Variants in GCSAML observed in about 807,000 individuals in gnomAD.
GCSAML encodes the protein germinal center associated signaling and motility like.
A neutral mutation model predicts 13.0 loss-of-function variants in GCSAML; 9 were observed. That is an observed-to-expected ratio of 0.69 (90% CI 0.42 to 1.21). The LOEUF (loss-of-function observed/expected upper bound fraction) is 1.21, where lower values mean the gene tolerates loss of function less well. Among genes scored for constraint, GCSAML ranks in the 50% most tolerant of loss-of-function variants. The pLI, the probability that GCSAML is intolerant of heterozygous loss-of-function variation, is 0.00. For missense variants in GCSAML, 143 were observed against 153.4 expected, an observed-to-expected ratio of 0.93 and a Z score of 0.36; for synonymous variants, 37 against 52.9, an observed-to-expected ratio of 0.70 and a Z score of 1.31.
intron 4 of GCSAML, among the ~76,000 whole-genome samples, chr1:247,573,372 T>C (rs1016646124): frequency 6.6e-6 from 1 of 152,120 alleles, no homozygotes; most frequent in Admixed American, 6.5e-5. Context: ...GTGGGAAAAG[T>C]GTAGTGTCTG....
At chr1:247,519,918 G>C (rs918593011) in intron 1 of GCSAML, among the ~76,000 whole-genome samples, 5 of 152,164 alleles carry the variant, frequency 3.3e-5, no homozygotes, top group Non-Finnish European at 7.3e-5. Context: ...AGTTTGCCAG[G>C]ATAAATGATG....
intron 2 of GCSAML, among the ~76,000 whole-genome samples, chr1:247,562,347 C>T (rs904091062): frequency 2.6e-5 from 4 of 152,106 alleles, no homozygotes; most frequent in African/African-American, 9.7e-5. Context: ...GCCTGAGGTC[C>T]GTGTGCCAGA....
chr1:247,577,442 T>A lies in GCSAML; in HGVS notation c.*3060T>A, dbSNP rs922450526. The A allele has an allele frequency of 1.3e-5, 2 of 152,208 alleles. No individual in the cohort carries two copies. The highest frequency in any genetic ancestry group is 4.8e-5 in the African/African-American group (2 of 41,454). 9.4% of individuals were successfully genotyped at this position (152,208 alleles called of 1,614,324 possible). A position where few individuals can be genotyped will look rare whatever the true frequency, so the allele number is the denominator to read the frequency against. ...CGTATAATTATAACTGTTCTAGATATTTGTAGCAATGTACCCTTTCCATAT... is the reference window on the plus strand; with the variant it reads ...CGTATAATTATAACTGTTCTAGATAATTGTAGCAATGTACCCTTTCCATAT... On this transcript the variant is annotated 3_prime_UTR_variant, in exon 5 of 5. Transcript: ENST00000366488.
At chr1:247,512,870 T>A (rs888318034) in intron 1 of GCSAML, among the ~76,000 whole-genome samples, 3 of 152,148 alleles carry the variant, frequency 2.0e-5, no homozygotes, top group Admixed American at 2.0e-4. Context: ...TGCTGCCTGT[T>A]CGTTCCTCTG....
chr1:247,563,972 G>A (rs115255517), intron 3 of GCSAML, among the ~76,000 whole-genome samples: 6 of 151,494 alleles, frequency 4.0e-5, no homozygotes, highest in African/African-American at 9.7e-5. Flanking sequence ...CCACCCTATC[G>A]CCCAGGCTGG....
At chr1:247,521,605 C>T (rs1666431088) in intron 1 of GCSAML, among the ~76,000 whole-genome samples, 1 of 152,324 alleles carries the variant, frequency 6.6e-6, no homozygotes, top group South Asian at 2.1e-4. Context: ...TGGACTCCAG[C>T]TCCTAACCGC....
chr1:247,545,248 T>C (rs1180839262), upstream of GCSAML, among the ~76,000 whole-genome samples: 1 of 152,252 alleles, frequency 6.6e-6, no homozygotes, highest in African/African-American at 2.4e-5. Context: ...ACGTGCTTGG[T>C]CTGGCCCCAT....
chr1:247,547,082 A>G (rs1438549858), upstream of GCSAML, among the ~76,000 whole-genome samples: 1 of 152,072 alleles, frequency 6.6e-6, no homozygotes, highest in Non-Finnish European at 1.5e-5. Context: ...CAGCCTGGGC[A>G]ACAGAACAAG....
At chr1:247,515,242 G>T (rs1423297636) in intron 1 of GCSAML, among the ~76,000 whole-genome samples, 1 of 152,184 alleles carries the variant, frequency 6.6e-6, no homozygotes, top group Non-Finnish European at 1.5e-5. Context: ...GTTAAGTAAT[G>T]ACAGCATGGA....
intron 2 of GCSAML, among the ~76,000 whole-genome samples, chr1:247,563,049 C>T (rs1452930872): frequency 8.6e-5 from 13 of 150,728 alleles, no homozygotes; most frequent in South Asian, 8.4e-4. Context: ...GGGGTCTCAC[C>T]GTGTTGGCCA....
chr1:247,574,261 C>G lies in GCSAML; in HGVS notation c.287C>G (p.Thr96Arg), dbSNP rs139001178. 1 of 1,614,104 alleles carries G rather than the reference C, an allele frequency of 6.2e-7. No individual in the cohort carries two copies. The highest frequency in any genetic ancestry group is 1.3e-5 in the African/African-American group (1 of 75,036). Residue 96 changes from threonine to arginine, a missense_variant, in exon 5 of 5, where the codon ACA becomes AGA. Physicochemically the swap from Thr to Arg is moderately conservative, Grantham distance 71. Transcript: ENST00000366488. ...DDGYENIDSL[T>R]RKVRQFRERS... ...GGCTATGAGAACATTGACTCCCTCACAAGGAAAGTGAGACAGTTTAGAGAA... is the reference window on the plus strand; with the variant it reads ...GGCTATGAGAACATTGACTCCCTCAGAAGGAAAGTGAGACAGTTTAGAGAA...
At chr1:247,507,278 C>T (rs1217081127) in intron 1 of GCSAML, 1 of 152,138 alleles carries the variant, frequency 6.6e-6, no homozygotes, top group Non-Finnish European at 1.5e-5. Context: ...CTGCTTAAGA[C>T]TTAGGTGTGT....
intron 2 of GCSAML, among the ~76,000 whole-genome samples, chr1:247,542,576 T>G (rs765864846): frequency 2.0e-5 from 3 of 152,210 alleles, no homozygotes; most frequent in Admixed American, 6.5e-5. Context: ...AAACCTGAAA[T>G]TTTCAGTATC....
At chr1:247,529,587 CAGTTG>C (rs1260534827) in intron 2 of GCSAML, 7 of 152,136 alleles carry the variant, frequency 4.6e-5, no homozygotes, top group Admixed American at 2.6e-4. Flanking sequence ...CATAATAATC[CAGTTG>C]AAGAATGTTG....
intron 2 of GCSAML, among the ~76,000 whole-genome samples, chr1:247,539,998 G>A (rs977548741): frequency 1.3e-5 from 2 of 151,816 alleles, no homozygotes; most frequent in African/African-American, 2.4e-5. Context: ...AGGCTTCCTC[G>A]CTCCTCAAAA....
chr1:247,537,195 G>T (rs1284131657), intron 2 of GCSAML, among the ~76,000 whole-genome samples: 1 of 152,152 alleles, frequency 6.6e-6, no homozygotes, highest in Non-Finnish European at 1.5e-5. Context: ...GCCTATTTTG[G>T]ATATTACATA....
At chr1:247,550,334 A>C (rs1405454820) in intron 1 of GCSAML, among the ~76,000 whole-genome samples, 2 of 152,100 alleles carry the variant, frequency 1.3e-5, no homozygotes, top group Non-Finnish European at 2.9e-5. Context: ...GTAAATTGCT[A>C]TTTGTTAAAG....
At chr1:247,520,981 C>T (rs1255522077) in intron 1 of GCSAML, among the ~76,000 whole-genome samples, 3 of 152,210 alleles carry the variant, frequency 2.0e-5, no homozygotes, top group African/African-American at 7.2e-5. Context: ...CTGGTGTGTA[C>T]TAGACATTGC....
intron 4 of GCSAML, among the ~76,000 whole-genome samples, chr1:247,569,438 G>C (rs1178347648): frequency 6.6e-6 from 1 of 152,066 alleles, no homozygotes; most frequent in Non-Finnish European, 1.5e-5. Flanking sequence ...TTTATCGAAG[G>C]CCTTTTCTGC....
Sources: allele counts gnomAD v4.1 joint callset (sites outside exome capture counted in the v4.1 genomes callset), GRCh38; gene constraint gnomAD v4.1.1; transcripts MANE v1.5; gene names NCBI Gene and HGNC (gene_info 2026-07-23, HGNC 2026-07-21).